Variants in ITPRID1 observed in about 807,000 individuals in gnomAD.
ITPRID1 encodes protein ITPRID1.
A neutral mutation model predicts 95.4 loss-of-function variants in ITPRID1; 96 were observed. The observed-to-expected ratio is 1.01, with a 90% confidence interval of 0.85 to 1.19. ITPRID1 has a LOEUF of 1.19. Ranked by LOEUF, ITPRID1 falls within the 50% of genes most tolerant of loss-of-function variation. The probability of loss-of-function intolerance (pLI) is 0.00; values close to 1 mark genes in which losing one functional copy is unlikely to be tolerated. For missense variants in ITPRID1, 1,339 were observed against 1,252.9 expected (o/e 1.07, Z -1.04); for synonymous variants, 510 against 453.6 (o/e 1.12, Z -1.58).
Position 31,652,504 on chromosome 7 carries a change from T to C in ITPRID1, c.2824-14T>C. ...ATGTGCTGTTTACTCTTTTTCCTCT[T>C]GTTTTCCTTTTAGCAGCTGGAGGTT... On this transcript the variant is annotated splice_polypyrimidine_tract_variant and intron_variant, in intron 14 of 14. Coordinates refer to ENST00000615280, the MANE Select transcript of ITPRID1 (RefSeq NM_001257967.3). 2 of 1,574,250 alleles carry C rather than the reference T, an allele frequency of 1.3e-6. No individual in the cohort carries two copies. Among genetic ancestry groups the C allele is most frequent in the Non-Finnish European group, 1.7e-6 (2 of 1,158,154 alleles).
At chr7:31,542,366 A>G (rs938429124) in intron 1 of ITPRID1, among the ~76,000 whole-genome samples, 2 of 152,182 alleles carry the variant, frequency 1.3e-5, no homozygotes, top group Non-Finnish European at 2.9e-5. Flanking sequence ...CATTTCTTGC[A>G]TAAATTCCCT....
At chr7:31,574,480 GA>G (rs1320196459) in intron 7 of ITPRID1, 59 bp from the exon 8 acceptor site, 10 of 1,512,226 alleles carry the variant, frequency 6.6e-6, no homozygotes, top group Non-Finnish European at 6.4e-6. Flanking sequence ...GAGGTGACCA[GA>G]AAAAAATGGT....
intron 10 of ITPRID1, among the ~76,000 whole-genome samples, chr7:31,593,383 C>T (rs1263185602): frequency 6.6e-6 from 1 of 152,046 alleles, no homozygotes; most frequent in Non-Finnish European, 1.5e-5. Context: ...TATATAAAGG[C>T]TGACTTTATC....
chr7:31,654,177 C>T lies in ITPRID1; in HGVS notation c.*1348C>T, dbSNP rs1791178155. Reference sequence around the variant, plus strand: ...AACTGTACTGCATTCATCAGGGTGCCTGTGGAAGGCCTTGCTAAAGGGAAG... The same window carrying T: ...AACTGTACTGCATTCATCAGGGTGCTTGTGGAAGGCCTTGCTAAAGGGAAG... On this transcript the variant is annotated 3_prime_UTR_variant, in exon 15 of 15. Transcript: ENST00000615280. Among the ~76,000 whole-genome samples the T allele has an allele frequency of 6.6e-6, 1 of 152,066 alleles. No homozygotes were observed. Among genetic ancestry groups the T allele is most frequent in the African/African-American group, 2.4e-5 (1 of 41,400 alleles).
chr7:31,644,076 T>C (rs1176253179), intron 12 of ITPRID1, 123 bp downstream of exon 12: 19 of 836,922 alleles, frequency 2.3e-5, no homozygotes, highest in Non-Finnish European at 3.5e-5. Flanking sequence ...TTTTAAATCA[T>C]GAATAACATT....
intron 10 of ITPRID1, among the ~76,000 whole-genome samples, chr7:31,618,771 G>A (rs1043119320): frequency 2.6e-5 from 4 of 152,194 alleles, no homozygotes; most frequent in African/African-American, 7.2e-5. Flanking sequence ...GCAAGTGTTG[G>A]CATCAGGATG....
At chr7:31,612,372 GTTTTT>G (rs2128165280) in intron 10 of ITPRID1, among the ~76,000 whole-genome samples, 1 of 151,814 alleles carries the variant, frequency 6.6e-6, no homozygotes, top group Admixed American at 6.6e-5. Flanking sequence ...GTTTTGTTTT[GTTTTT>G]GTGTGTGTGG....
rs1215316595 is a variant in ITPRID1, at chr7:31,549,448, A to T, written c.-75A>T. The T allele has an allele frequency of 1.3e-6, 2 of 1,515,198 alleles. No homozygotes were observed. The highest frequency in any genetic ancestry group is 4.2e-5 in the Admixed American group (2 of 47,970). The allele number at this position is 1,515,198 out of a possible 1,614,324, so 93.9% of individuals were successfully genotyped here. ...CAGTTCCTGACAGGATAAGGACAAG[A>T]AGCAACACACAGAAGAGAAGGAAAA... On this transcript the variant is annotated 5_prime_UTR_variant, in exon 2 of 15. Transcript: ENST00000615280.
chr7:31,651,041 C>T (rs542489698), intron 12 of ITPRID1, 101 bp from the exon 13 acceptor site: 16 of 1,383,562 alleles, frequency 1.2e-5, no homozygotes, highest in Admixed American at 1.1e-4. Flanking sequence ...GGCCTGTTTG[C>T]GAAAAAAGGG....
intron 10 of ITPRID1, among the ~76,000 whole-genome samples, chr7:31,591,682 T>C (rs1052286669): frequency 6.6e-6 from 1 of 152,202 alleles, no homozygotes; most frequent in African/African-American, 2.4e-5. Flanking sequence ...TGCCAAATCC[T>C]AGGCTTGGAA....
intron 9 of ITPRID1, among the ~76,000 whole-genome samples, chr7:31,582,450 T>G (rs1307769487): frequency 1.3e-5 from 2 of 152,172 alleles, no homozygotes; most frequent in Middle Eastern, 3.2e-3. Context: ...GGGGTCTCAC[T>G]ATGTTGCCCA....
intron 12 of ITPRID1, among the ~76,000 whole-genome samples, chr7:31,649,059 T>G (rs1360159347): frequency 6.6e-6 from 1 of 152,184 alleles, no homozygotes; most frequent in African/African-American, 2.4e-5. Context: ...TCAAATTCAC[T>G]CACATTGATG....
At chr7:31,590,216 A>G (rs1680283331) in intron 10 of ITPRID1, among the ~76,000 whole-genome samples, 1 of 152,134 alleles carries the variant, frequency 6.6e-6, no homozygotes, top group South Asian at 2.1e-4. Flanking sequence ...TCACAGGCAC[A>G]TGCCACCATG....
At chr7:31,649,302 G>C (rs981274662) in intron 12 of ITPRID1, among the ~76,000 whole-genome samples, 2 of 152,188 alleles carry the variant, frequency 1.3e-5, no homozygotes, top group African/African-American at 4.8e-5. Context: ...GGAAGGGTAA[G>C]AAATCTCAGA....
At chr7:31,558,706 A>T (rs1256554434) in intron 5 of ITPRID1, among the ~76,000 whole-genome samples, 1 of 152,182 alleles carries the variant, frequency 6.6e-6, no homozygotes, top group Non-Finnish European at 1.5e-5. Flanking sequence ...TCAATAAGAG[A>T]TAGAGATGAT....
At chr7:31,517,255 AC>A (rs1783074188) in intron 1 of ITPRID1, 1 of 152,032 alleles carries the variant, frequency 6.6e-6, no homozygotes, top group African/African-American at 2.4e-5. Flanking sequence ...TCCATTTTAC[AC>A]AGCGCTGATT....
Position 31,643,508 on chromosome 7 carries a change from C to T in ITPRID1, c.2138C>T (p.Ser713Phe), listed in dbSNP as rs780112893. The stretch of plus-strand genomic sequence containing the variant: ...TCCAGGTCTGTAATGACCCAGATGT[C>T]CTCCAGCCTGGTGTCGGCTGCTCAG... ...GSSRSVMTQM[S>F]SSLVSAAQRA... The change falls in exon 12 of 15, where the codon TCC becomes TTC. Residue 713 changes from serine to phenylalanine, a missense_variant. Transcript: ENST00000615280. The T allele has an allele frequency of 4.3e-6, 7 of 1,614,016 alleles. No individual in the cohort carries two copies. The South Asian group carries it at 7.7e-5, about 18-fold the overall frequency.
Position 31,526,736 on chromosome 7 carries a change from GT to G in ITPRID1, c.-98+12624del, listed in dbSNP as rs111566731. 9.6e-3 allele frequency among the ~76,000 whole-genome samples: 1,456 copies of G among 151,964 alleles called. 25 individuals carry two copies. The highest frequency in any genetic ancestry group is 0.034 in the African/African-American group (1,401 of 41,444). On this transcript the variant is annotated intron_variant, in intron 1 of 14. Coordinates refer to ENST00000615280, the MANE Select transcript of ITPRID1 (RefSeq NM_001257967.3). ...CAGCAATCAGTCCGTAAGACCTGCA[GT>G]TTTTTTTCTCCCACATAGTTCTAAA...
intron 10 of ITPRID1, among the ~76,000 whole-genome samples, chr7:31,636,534 C>T (rs1213676823): frequency 6.6e-6 from 1 of 152,054 alleles, no homozygotes; most frequent in Non-Finnish European, 1.5e-5. Flanking sequence ...TCTGTCTTGT[C>T]CATCTTTTAC....
Sources: allele counts gnomAD v4.1 joint callset (sites outside exome capture counted in the v4.1 genomes callset), GRCh38; gene constraint gnomAD v4.1.1; transcripts MANE v1.5; gene names NCBI Gene and HGNC (gene_info 2026-07-23, HGNC 2026-07-21).